The following SCAI variants were observed in gnomAD, a reference collection of about 807,000 sequenced individuals.
SCAI encodes suppressor of cancer cell invasion, also known as protein SCAI.
A neutral mutation model predicts 92.2 loss-of-function variants in SCAI; 24 were observed. That is an observed-to-expected ratio of 0.26 (90% CI 0.19 to 0.37). The LOEUF (loss-of-function observed/expected upper bound fraction) is 0.37. Among genes scored for constraint, SCAI ranks in the 10% least tolerant of loss-of-function variants. The probability of loss-of-function intolerance (pLI) is 1.00; values close to 1 mark genes in which losing one functional copy is unlikely to be tolerated. For missense variants in SCAI, 450 were observed against 736.2 expected (o/e 0.61, Z 4.50); for synonymous variants, 261 against 258.6 (o/e 1.01, Z -0.09).
At chr9:124,991,029 T>C (rs747150733) in intron 14 of SCAI, among the ~76,000 whole-genome samples, 21 of 152,164 alleles carry the variant, frequency 1.4e-4, no homozygotes, top group Non-Finnish European at 2.8e-4. Flanking sequence ...GAAATACAAC[T>C]TTAAACTATA....
chr9:125,076,764 T>C (rs1022912690), intron 2 of SCAI, among the ~76,000 whole-genome samples: 4 of 152,028 alleles, frequency 2.6e-5, no homozygotes, highest in African/African-American at 7.2e-5. Flanking sequence ...AGTGGCGTGA[T>C]CTCAGCTCAC....
rs573448605 is a variant in SCAI, at chr9:124,945,815, A to G, written c.*6992T>C. On this transcript the variant is annotated 3_prime_UTR_variant, in exon 18 of 18. Coordinates refer to ENST00000336505, the MANE Select transcript of SCAI (RefSeq NM_001144877.3). ...GTTCAAAACTCAGTGAAGCTGGAAC[A>G]TAGTGTAGTATTAGGCTTTGAAATT... The G allele has an allele frequency of 1.3e-5, 2 of 152,352 alleles. No individual in the cohort carries two copies. The highest frequency in any genetic ancestry group is 3.9e-4 in the East Asian group (2 of 5,190). 9.4% of individuals were successfully genotyped at this position (152,352 alleles called of 1,614,324 possible).
chr9:124,988,822 C>T (rs1832050070), intron 14 of SCAI, among the ~76,000 whole-genome samples: 1 of 152,154 alleles, frequency 6.6e-6, no homozygotes, highest in African/African-American at 2.4e-5. Context: ...TCACCAAGTA[C>T]ATGTTAAGCA....
chr9:124,952,927 A>G lies in SCAI; in HGVS notation c.1701T>C (p.Tyr567=), dbSNP rs370578441. The change falls in exon 18 of 18, where the codon TAT becomes TAC. Residue 567 remains tyrosine, a synonymous_variant. Transcript: ENST00000336505. ...FRETRNYPES[Y]PQLPRDETVE... is the part of the protein sequence containing the mutation. ...CTGTTTCATCCCTTGGCAGTTGTGG[A>G]TATGATTCTGGATAATTTCGTGTTT... 8 of 1,613,434 alleles carry G rather than the reference A, an allele frequency of 5.0e-6. No homozygotes were observed. In the African/African-American group the frequency reaches 8.0e-5, roughly 16 times the overall value.
At chr9:125,002,688 T>C (rs539467816) in intron 11 of SCAI, among the ~76,000 whole-genome samples, 257 of 152,010 alleles carry the variant, frequency 1.7e-3, no homozygotes, top group African/African-American at 5.9e-3. Flanking sequence ...TTCTCCATGT[T>C]GGTCAAGCTG....
At chr9:125,127,645 C>T (rs1835305854) in intron 2 of SCAI, among the ~76,000 whole-genome samples, 1 of 152,098 alleles carries the variant, frequency 6.6e-6, no homozygotes, top group African/African-American at 2.4e-5. Context: ...ATGTACTAAC[C>T]TATGGATATC....
intron 2 of SCAI, among the ~76,000 whole-genome samples, chr9:125,065,145 C>T (rs1266084759): frequency 6.6e-6 from 1 of 151,542 alleles, no homozygotes; most frequent in Non-Finnish European, 1.5e-5. Context: ...AGAAACACAA[C>T]AAAGTCAACA....
intron 14 of SCAI, among the ~76,000 whole-genome samples, chr9:124,988,745 AG>A (rs1832049102): frequency 6.6e-6 from 1 of 152,222 alleles, no homozygotes; most frequent in Admixed American, 6.5e-5. Context: ...ACAGGAAAAA[AG>A]AAAATGCAGA....
chr9:125,074,797 G>T (rs1295235963), intron 2 of SCAI, among the ~76,000 whole-genome samples: 1 of 151,760 alleles, frequency 6.6e-6, no homozygotes, highest in East Asian at 2.0e-4. Flanking sequence ...CCGAAGTCAG[G>T]AGTTCGAGAC....
chr9:125,061,111 C>T (rs1031263420), intron 2 of SCAI, among the ~76,000 whole-genome samples: 1 of 151,966 alleles, frequency 6.6e-6, no homozygotes, highest in Non-Finnish European at 1.5e-5. Flanking sequence ...TCGTGGCTAA[C>T]ACGATGAAAC....
chr9:124,968,389 C>T (rs1218769072), intron 17 of SCAI: 15 of 1,146,520 alleles, frequency 1.3e-5, no homozygotes, highest in Middle Eastern at 2.0e-4. Flanking sequence ...TGGAGGGACA[C>T]GCAATCGTGG....
At position 124,950,126 on chromosome 9, in the gene SCAI, G is replaced by A. The variant is rs1831210215; in HGVS notation, c.*2681C>T. On this transcript the variant is annotated 3_prime_UTR_variant, in exon 18 of 18. Coordinates refer to ENST00000336505, the MANE Select transcript of SCAI (RefSeq NM_001144877.3). ...TACTAGTTTCTAAAACAGCTAAGTG[G>A]GACCCAGATTTTCTTGAACAAAATC... 2.0e-5 allele frequency: 3 copies of A among 151,846 alleles called. No homozygotes were observed. The highest frequency in any genetic ancestry group is 6.6e-5 in the Admixed American group (1 of 15,210). The allele number at this position is 151,846 out of a possible 1,614,324, so 9.4% of individuals were successfully genotyped here. A position where few individuals can be genotyped will look rare whatever the true frequency, so the allele number is the denominator to read the frequency against.
intron 2 of SCAI, among the ~76,000 whole-genome samples, chr9:125,127,289 A>G (rs1164646792): frequency 6.6e-6 from 1 of 152,214 alleles, no homozygotes; most frequent in East Asian, 1.9e-4. Flanking sequence ...TGGTACCTCA[A>G]AAGCCTATTA....
At chr9:125,054,541 A>AG (rs1397049688) in intron 3 of SCAI, among the ~76,000 whole-genome samples, 1 of 152,076 alleles carries the variant, frequency 6.6e-6, no homozygotes, top group African/African-American at 2.4e-5. Context: ...GAAGGCAAAG[A>AG]GAAAAAAAAA....
At chr9:125,087,866 C>A (rs1834355785) in intron 2 of SCAI, among the ~76,000 whole-genome samples, 1 of 151,966 alleles carries the variant, frequency 6.6e-6, no homozygotes. Flanking sequence ...TGATGTGATA[C>A]CTAGAATTTG....
intron 17 of SCAI, among the ~76,000 whole-genome samples, chr9:124,955,817 TA>T (rs1008969199): frequency 2.0e-5 from 3 of 152,132 alleles, no homozygotes; most frequent in Non-Finnish European, 4.4e-5. Context: ...TAAACAATAT[TA>T]TGCCAACAAA....
At chr9:125,108,579 G>A (rs1282898412) in intron 2 of SCAI, among the ~76,000 whole-genome samples, 1 of 142,844 alleles carries the variant, frequency 7.0e-6, no homozygotes, top group Non-Finnish European at 1.5e-5. Context: ...TGAGAAGTGA[G>A]GAGCCCCTCC....
chr9:125,099,604 T>C (rs760256296), intron 2 of SCAI, among the ~76,000 whole-genome samples: 2 of 152,204 alleles, frequency 1.3e-5, no homozygotes, highest in African/African-American at 4.8e-5. Flanking sequence ...ACAAACCTTA[T>C]GTTTAAGCAA....
intron 5 of SCAI, 122 bp downstream of exon 5, chr9:125,028,270 T>C (rs1234071133): frequency 1.7e-6 from 1 of 596,694 alleles, no homozygotes; most frequent in Non-Finnish European, 2.9e-6. Context: ...TCCGAACTAC[T>C]AGAGTTTCAT....
Sources: allele counts gnomAD v4.1 joint callset (sites outside exome capture counted in the v4.1 genomes callset), GRCh38; gene constraint gnomAD v4.1.1; transcripts MANE v1.5; gene names NCBI Gene and HGNC (gene_info 2026-07-23, HGNC 2026-07-21).